PEX5L: variants seen among roughly 807,000 people sequenced by gnomAD.
The protein encoded by PEX5L is peroxisomal biogenesis factor 5 like.
PEX5L carries 30 observed loss-of-function variants against 84.0 expected under a neutral mutation model. That is an observed-to-expected ratio of 0.36 (90% CI 0.27 to 0.48). The LOEUF is 0.48. Ranked by LOEUF, PEX5L falls within the 20% of genes least tolerant of loss-of-function variation. The pLI is 0.99. For synonymous variants in PEX5L, 270 were observed against 283.1 expected (o/e 0.95, Z 0.46); for missense variants, 533 against 754.6 (o/e 0.71, Z 3.44).
intron 8 of PEX5L, among the ~76,000 whole-genome samples, chr3:179,854,022 A>G (rs1465176657): frequency 7.0e-6 from 1 of 142,396 alleles, no homozygotes; most frequent in East Asian, 2.3e-4. Context: ...CTTGTTGCCC[A>G]GGCTGGTCTC....
intron 3 of PEX5L, among the ~76,000 whole-genome samples, chr3:179,894,517 A>C (rs1029288189): frequency 2.6e-5 from 4 of 152,110 alleles, no homozygotes; most frequent in Non-Finnish European, 5.9e-5. Context: ...GTAAAATGTG[A>C]ATCTATTCCC....
At position 179,846,625 on chromosome 3, in the gene PEX5L, A is replaced by G. The variant is rs7619029; in HGVS notation, c.822+12437T>C. On this transcript the variant is annotated intron_variant, in intron 8 of 14. Transcript: ENST00000467460. ...ATGAGCCTAGCATTTGAATCAGTAG[A>G]CTGAGTAAAGCAGATTGCCCTCCGC... Among the ~76,000 whole-genome samples the G allele has an allele frequency of 1.0e-2, 1,522 of 152,262 alleles. 25 individuals are homozygous for G. Among genetic ancestry groups the G allele is most frequent in the African/African-American group, 0.035 (1,435 of 41,526 alleles).
At chr3:179,973,140 T>G (rs1334946116) in intron 1 of PEX5L, 1 of 1,244,494 alleles carries the variant, frequency 8.0e-7, no homozygotes, top group Non-Finnish European at 1.0e-6. Flanking sequence ...CCTTTCCAAA[T>G]ATTGATCTGT....
In PEX5L at chr3:179,799,286, T is replaced by G. The variant is rs937217924; in HGVS notation, c.*2542A>C. The stretch of plus-strand genomic sequence containing the variant: ...AAATATTATTGAAAAATGCAACTCT[T>G]TTCCTCTTGGGCCGTAATTCTGGAC... On this transcript the variant is annotated 3_prime_UTR_variant, in exon 15 of 15. Coordinates refer to ENST00000467460, the MANE Select transcript of PEX5L (RefSeq NM_016559.3). 1 of 152,196 alleles carries G rather than the reference T, an allele frequency of 6.6e-6. No individual in the cohort carries two copies. Among genetic ancestry groups the G allele is most frequent in the Non-Finnish European group, 1.5e-5 (1 of 68,044 alleles). 9.4% of individuals were successfully genotyped at this position (152,196 alleles called of 1,614,324 possible). A position where few individuals can be genotyped will look rare whatever the true frequency, so the allele number is the denominator to read the frequency against.
chr3:179,883,943 A>G (rs1754956979), intron 4 of PEX5L, among the ~76,000 whole-genome samples: 1 of 152,256 alleles, frequency 6.6e-6, no homozygotes, highest in South Asian at 2.1e-4. Context: ...TTCTACTGAA[A>G]GCATTCATGC....
intron 8 of PEX5L, among the ~76,000 whole-genome samples, chr3:179,832,899 A>T (rs1473866967): frequency 6.6e-6 from 1 of 152,188 alleles, no homozygotes; most frequent in Admixed American, 6.5e-5. Context: ...CCACCCGCCC[A>T]CCTACCTACC....
At chr3:179,982,562 T>C (rs929492482) in intron 1 of PEX5L, among the ~76,000 whole-genome samples, 4 of 152,158 alleles carry the variant, frequency 2.6e-5, no homozygotes, top group African/African-American at 9.6e-5. Flanking sequence ...CAGAAAAATT[T>C]CAGTGATGAG....
chr3:179,872,758 A>G (rs1213445055), intron 7 of PEX5L, among the ~76,000 whole-genome samples: 1 of 152,224 alleles, frequency 6.6e-6, no homozygotes, highest in Non-Finnish European at 1.5e-5. Flanking sequence ...TTTTATTGCT[A>G]CATTAAATTG....
rs111513301 is a variant in PEX5L, at chr3:180,019,949, C to T, written c.21+16630G>A. On this transcript the variant is annotated intron_variant, in intron 1 of 14. Coordinates refer to ENST00000467460, the MANE Select transcript of PEX5L (RefSeq NM_016559.3). ...TTATCGACAAGAGTCAGAAATCAAA[C>T]AATTAGGCTTCTTAACGAATTAATG... is the stretch of plus-strand genomic sequence containing the variant. Among the ~76,000 whole-genome samples, 199 of 152,232 alleles carry T rather than the reference C, an allele frequency of 1.3e-3. 3 individuals are homozygous for T. Among genetic ancestry groups the T allele is most frequent in the African/African-American group, 4.6e-3 (192 of 41,546 alleles).
intron 2 of PEX5L, among the ~76,000 whole-genome samples, chr3:179,899,000 A>C (rs1760307247): frequency 6.6e-6 from 1 of 152,084 alleles, no homozygotes; most frequent in Admixed American, 6.6e-5. Context: ...ACTAATCTAT[A>C]TCTCTCTATA....
intron 1 of PEX5L, among the ~76,000 whole-genome samples, chr3:180,003,163 CA>C (rs1252399512): frequency 6.6e-6 from 1 of 152,232 alleles, no homozygotes; most frequent in East Asian, 1.9e-4. Context: ...TAAATAAAGC[CA>C]GAAGTCTTAG....
At chr3:179,823,109 A>C (rs865794230) in intron 8 of PEX5L, among the ~76,000 whole-genome samples, 19 of 152,234 alleles carry the variant, frequency 1.2e-4, no homozygotes, top group Admixed American at 5.9e-4. Context: ...TGTAGTATTG[A>C]GAAAAATATA....
intron 8 of PEX5L, among the ~76,000 whole-genome samples, chr3:179,850,008 GA>G (rs1251828503): frequency 2.0e-5 from 3 of 152,146 alleles, no homozygotes; most frequent in African/African-American, 7.2e-5. Context: ...AAAAAGAAGT[GA>G]AATGATATGG....
At chr3:179,817,754 C>T (rs575113903) in intron 9 of PEX5L, among the ~76,000 whole-genome samples, 3 of 152,220 alleles carry the variant, frequency 2.0e-5, no homozygotes, top group Admixed American at 2.0e-4. Flanking sequence ...CAAGTGGAGG[C>T]CTTCAGTCTC....
At chr3:179,987,730 A>G (rs1052866556) in intron 1 of PEX5L, among the ~76,000 whole-genome samples, 3 of 152,346 alleles carry the variant, frequency 2.0e-5, no homozygotes, top group African/African-American at 7.2e-5. Context: ...GAACCCCAGC[A>G]GTGAACCTTC....
At chr3:179,868,002 C>T (rs1215359770) in intron 7 of PEX5L, among the ~76,000 whole-genome samples, 9 of 149,876 alleles carry the variant, frequency 6.0e-5, no homozygotes, top group Admixed American at 2.7e-4. Flanking sequence ...TAGTTAAGAA[C>T]AAATGCTTTA....
intron 2 of PEX5L, among the ~76,000 whole-genome samples, chr3:179,928,006 G>A (rs1326975039): frequency 6.6e-6 from 1 of 152,150 alleles, no homozygotes; most frequent in Non-Finnish European, 1.5e-5. Flanking sequence ...TGTATGTTAA[G>A]CTTCCAGCAC....
intron 1 of PEX5L, among the ~76,000 whole-genome samples, chr3:179,972,782 T>A (rs1248373628): frequency 6.6e-6 from 1 of 151,824 alleles, no homozygotes; most frequent in African/African-American, 2.4e-5. Context: ...TTACACATTT[T>A]TTTCCCGCAA....
chr3:179,932,928 T>C (rs533920267), intron 2 of PEX5L, among the ~76,000 whole-genome samples: 1 of 152,292 alleles, frequency 6.6e-6, no homozygotes, highest in East Asian at 1.9e-4. Context: ...GTTGTAACTA[T>C]AGTCCTCATG....
Sources: allele counts gnomAD v4.1 joint callset (sites outside exome capture counted in the v4.1 genomes callset), GRCh38; gene constraint gnomAD v4.1.1; transcripts MANE v1.5; gene names NCBI Gene and HGNC (gene_info 2026-07-23, HGNC 2026-07-21).